HDX: variants seen among roughly 807,000 people sequenced by gnomAD.
HDX encodes the protein chromosome X open reading frame 43.
HDX carries 19 observed loss-of-function variants against 45.2 expected under a neutral mutation model. The observed-to-expected ratio is 0.42, with a 90% CI of 0.29 to 0.62. HDX has a LOEUF of 0.62. HDX is among the 20% of genes least tolerant of loss of function. The pLI, the probability that HDX is intolerant of heterozygous loss-of-function variation, is 0.20. For synonymous variants in HDX, 188 were observed against 172.8 expected (o/e 1.09, Z -0.69); for missense variants, 532 against 493.9 (o/e 1.08, Z -0.73).
intron 3 of HDX, among the ~76,000 whole-genome samples, chrX:84,474,685 A>G (rs1190562867): frequency 1.8e-5 from 2 of 112,304 alleles, no homozygotes; most frequent in Admixed American, 1.9e-4. Flanking sequence ...CCTTCTCGTT[A>G]CCTTTCAAGA....
chrX:84,464,097 GT>G (rs2040295225), intron 4 of HDX, among the ~76,000 whole-genome samples: 1 of 111,159 alleles, frequency 9.0e-6, no homozygotes, highest in Non-Finnish European at 1.9e-5. Context: ...CAAGAGAATT[GT>G]TTGTTTTCTT....
intron 5 of HDX, among the ~76,000 whole-genome samples, chrX:84,437,682 C>A (rs186867143): frequency 7.3e-4 from 81 of 110,916 alleles, no homozygotes; most frequent in Non-Finnish European, 1.4e-3. Flanking sequence ...TGTTGCCCAA[C>A]AAACTAGTGT....
intron 4 of HDX, among the ~76,000 whole-genome samples, chrX:84,448,776 A>G (rs5923006): frequency 0.45 from 49,160 of 109,710 alleles, 8,621 homozygotes; most frequent in Middle Eastern, 0.63. Flanking sequence ...CACAATATTT[A>G]TTCAGCAACA....
intron 4 of HDX, among the ~76,000 whole-genome samples, chrX:84,456,163 G>A (rs1228720203): frequency 9.0e-6 from 1 of 111,586 alleles, no homozygotes; most frequent in Admixed American, 9.5e-5. Flanking sequence ...TAAGTACAGA[G>A]AAAATCACAG....
intron 5 of HDX, among the ~76,000 whole-genome samples, chrX:84,361,892 A>G (rs774969839): frequency 1.2e-4 from 13 of 112,327 alleles, no homozygotes; most frequent in Admixed American, 9.5e-4. Context: ...TGTTCATTGT[A>G]TAAAATACAG....
chrX:84,377,645 C>T (rs2038088351), intron 5 of HDX, among the ~76,000 whole-genome samples: 1 of 110,139 alleles, frequency 9.1e-6, no homozygotes, highest in Non-Finnish European at 1.9e-5. Flanking sequence ...CAGAATGAAT[C>T]AAGCAGAACA....
intron 7 of HDX, among the ~76,000 whole-genome samples, chrX:84,339,743 A>G (rs1343474846): frequency 2.7e-5 from 3 of 111,177 alleles, no homozygotes; most frequent in Admixed American, 1.9e-4. Flanking sequence ...TACTCCCACT[A>G]AGTAACTGTA....
intron 10 of HDX, among the ~76,000 whole-genome samples, chrX:84,322,222 GAA>G (rs2036611982): frequency 9.0e-6 from 1 of 110,752 alleles, no homozygotes; most frequent in Non-Finnish European, 1.9e-5. Flanking sequence ...TTGAAAGTGT[GAA>G]TTCTGTAGAG....
At chrX:84,355,818 C>A (rs1402862249) in intron 6 of HDX, among the ~76,000 whole-genome samples, 1 of 108,649 alleles carries the variant, frequency 9.2e-6, no homozygotes, top group Non-Finnish European at 1.9e-5. Flanking sequence ...CGTAACAAAC[C>A]TGCACATTGT....
intron 4 of HDX, among the ~76,000 whole-genome samples, chrX:84,447,010 G>T (rs1301812505): frequency 5.4e-5 from 6 of 111,796 alleles, no homozygotes; most frequent in Non-Finnish European, 1.1e-4. Context: ...GCACATCTCA[G>T]ATCTCAGGCT....
intron 5 of HDX, among the ~76,000 whole-genome samples, chrX:84,384,944 C>T (rs60396877): frequency 0.36 from 39,286 of 109,350 alleles, 5,437 homozygotes; most frequent in South Asian, 0.5. Flanking sequence ...ACAGTATTGT[C>T]TGAAGTCACG....
chrX:84,327,877 G>T (rs949715557), intron 9 of HDX, among the ~76,000 whole-genome samples: 1 of 110,631 alleles, frequency 9.0e-6, no homozygotes, highest in African/African-American at 3.3e-5. Context: ...ATACTGGAGT[G>T]CAGTGGTACA....
rs1375207251 is a variant in HDX, at chrX:84,469,267, G to T, written c.456C>A (p.His152Gln). Residue 152 changes from histidine (H) to glutamine (Q), a missense_variant, in exon 4 of 11, where the codon CAC (histidine) becomes CAA (glutamine). This residue lies in a region of HDX where 376 missense variants were observed against 343.7 expected (regional missense o/e 1.09). Transcript: ENST00000373177. Reference sequence around the variant, plus strand: ...GTGCTACTTGTCTTTGGACAGGAATGTGTAACTGAAACTCAGTATCATTTT... The same window carrying T: ...GTGCTACTTGTCTTTGGACAGGAATTTGTAACTGAAACTCAGTATCATTTT... Reference protein sequence around the residue: ...ATKNDTEFQLHIPVQRQVAHC... With the variant: ...ATKNDTEFQLQIPVQRQVAHC... 7 of 1,207,461 alleles carry T rather than the reference G, an allele frequency of 5.8e-6. No homozygotes were observed. The highest frequency in any genetic ancestry group is 7.8e-6 in the Non-Finnish European group (7 of 892,767).
chrX:84,387,669 C>A (rs1263523471), intron 5 of HDX, among the ~76,000 whole-genome samples: 2 of 111,275 alleles, frequency 1.8e-5, no homozygotes, highest in Non-Finnish European at 3.8e-5. Context: ...GTTTTCATGG[C>A]ATATCTTTAT....
intron 2 of HDX, among the ~76,000 whole-genome samples, chrX:84,479,300 A>C (rs2040623146): frequency 8.9e-6 from 1 of 111,746 alleles, no homozygotes; most frequent in East Asian, 2.8e-4. Context: ...CTGCCCTATA[A>C]ATGGAATCAA....
chrX:84,439,930 T>A (rs1161417188), intron 5 of HDX: 1 of 111,730 alleles, frequency 9.0e-6, no homozygotes, highest in Non-Finnish European at 1.9e-5. Flanking sequence ...AGCCTCTTAA[T>A]CTTTTCCTAT....
intron 5 of HDX, among the ~76,000 whole-genome samples, chrX:84,429,800 A>G (rs1302803937): frequency 9.0e-6 from 1 of 110,745 alleles, no homozygotes; most frequent in Admixed American, 9.6e-5. Context: ...AACGTTAAGT[A>G]CATGGTTTTT....
intron 5 of HDX, among the ~76,000 whole-genome samples, chrX:84,364,230 C>A (rs1037958664): frequency 5.4e-5 from 6 of 110,876 alleles, no homozygotes; most frequent in Admixed American, 9.7e-5. Context: ...TATTAAAAAT[C>A]TCTAATTCAA....
intron 9 of HDX, among the ~76,000 whole-genome samples, chrX:84,326,849 G>A (rs1234977796): frequency 9.2e-6 from 1 of 108,594 alleles, no homozygotes; most frequent in Non-Finnish European, 1.9e-5. Flanking sequence ...GAGGTGGGCA[G>A]AGGTTGCAGT....
Sources: gnomAD v4.1 joint callset for allele counts (sites outside exome capture counted in the v4.1 genomes callset) on GRCh38, gnomAD v4.1.1 for gene constraint, gnomAD v4.1.1 regional missense constraint, MANE v1.5 for transcripts, NCBI Gene and HGNC (gene_info 2026-07-23, HGNC 2026-07-21) for gene names.